The following BTAF1 variants were observed in gnomAD, a reference collection of about 807,000 sequenced individuals.
The protein encoded by BTAF1 is TATA-binding protein-associated factor 172.
A neutral mutation model predicts 227.1 loss-of-function variants in BTAF1; 38 were observed. The observed-to-expected ratio is 0.17, with a 90% CI of 0.13 to 0.22. The LOEUF is 0.22. BTAF1 is among the 10% of genes least tolerant of loss of function. The probability of loss-of-function intolerance (pLI) is 1.00; values close to 1 mark genes in which losing one functional copy is unlikely to be tolerated. For missense variants in BTAF1, 1,598 were observed against 2,204.0 expected (o/e 0.73, Z 5.51); for synonymous variants, 742 against 751.9 (o/e 0.99, Z 0.21).
intron 25 of BTAF1, among the ~76,000 whole-genome samples, chr10:92,006,762 C>T (rs571976136): frequency 2.0e-5 from 3 of 152,232 alleles, no homozygotes; most frequent in East Asian, 3.9e-4. Flanking sequence ...ATACCAAAGT[C>T]GGAATACCCA....
At chr10:91,978,330 A>G (rs1410949275) in intron 14 of BTAF1, among the ~76,000 whole-genome samples, 2 of 152,172 alleles carry the variant, frequency 1.3e-5, no homozygotes, top group Non-Finnish European at 2.9e-5. Flanking sequence ...ACCTACAGGC[A>G]ACTGCTTGGA....
At chr10:92,009,690 C>G (rs1329344634) in intron 28 of BTAF1, among the ~76,000 whole-genome samples, 1 of 152,156 alleles carries the variant, frequency 6.6e-6, no homozygotes, top group East Asian at 1.9e-4. Flanking sequence ...AAGAGTTCCC[C>G]TTTGCTTTGT....
chr10:91,948,151 C>A (rs1259606416), intron 4 of BTAF1, among the ~76,000 whole-genome samples: 1 of 151,650 alleles, frequency 6.6e-6, no homozygotes, highest in Non-Finnish European at 1.5e-5. Flanking sequence ...AATGCTATCC[C>A]TCCCCCATCC....
At chr10:91,928,769 C>T (rs879818294) in intron 1 of BTAF1, among the ~76,000 whole-genome samples, 1 of 135,560 alleles carries the variant, frequency 7.4e-6, no homozygotes, top group Admixed American at 7.3e-5. Flanking sequence ...ATCCCCCCCC[C>T]CCCCGCCCCC....
intron 24 of BTAF1, 126 bp downstream of exon 24, chr10:91,996,696 CT>C: frequency 2.5e-6 from 2 of 790,020 alleles, no homozygotes; most frequent in Non-Finnish European, 3.8e-6. Flanking sequence ...AATACCTATT[CT>C]TTTTACATCT....
At chr10:91,996,066 T>C (rs974004533) in intron 23 of BTAF1, among the ~76,000 whole-genome samples, 30 of 152,218 alleles carry the variant, frequency 2.0e-4, no homozygotes, top group Admixed American at 1.7e-3. Flanking sequence ...CCAAGTACTT[T>C]TTGGTTTGTT....
At chr10:92,019,617 C>T (rs1850976812) in intron 34 of BTAF1, among the ~76,000 whole-genome samples, 1 of 152,182 alleles carries the variant, frequency 6.6e-6, no homozygotes, top group Admixed American at 6.5e-5. Context: ...ATTTTACACT[C>T]CCACCAGCAA....
At chr10:91,962,275 T>C (rs918885290) in intron 11 of BTAF1, among the ~76,000 whole-genome samples, 6 of 151,144 alleles carry the variant, frequency 4.0e-5, no homozygotes, top group African/African-American at 9.7e-5. Context: ...TGCAGGTTTG[T>C]AGCCTAGAAG....
rs1199977906 is a variant in BTAF1, at chr10:91,993,864, A to T, written c.3199+17A>T. On this transcript the variant is annotated intron_variant, in intron 22 of 37. Transcript: ENST00000265990. ...ATAATTTTGGTATACACATATTTTT[A>T]TGAGTCCAGTTTTTAACAAATTTTA... is the stretch of plus-strand genomic sequence containing the variant. The T allele has an allele frequency of 1.9e-6, 3 of 1,551,272 alleles. No individual in the cohort carries two copies. The highest frequency in any genetic ancestry group is 2.6e-6 in the Non-Finnish European group (3 of 1,142,878).
Position 91,989,234 on chromosome 10 carries a change from G to A in BTAF1, c.2508G>A (p.Gln836=). The change falls in exon 20 of 38, where the codon CAG becomes CAA. Residue 836 remains glutamine, a synonymous_variant. Transcript: ENST00000265990. ...TACAACAGTTAGATAGTAAACGACA[G>A]CAGGTCCAAATGACAGTTACAGAGA... ...QVLQQLDSKR[Q]QVQMTVTETN... The A allele has an allele frequency of 1.2e-6, 2 of 1,614,098 alleles. No individual in the cohort carries two copies. The highest frequency in any genetic ancestry group is 1.7e-6 in the Non-Finnish European group (2 of 1,180,012).
intron 19 of BTAF1, 127 bp downstream of exon 19, chr10:91,984,531 A>C (rs1848270848): frequency 4.1e-6 from 3 of 732,358 alleles, no homozygotes; most frequent in Non-Finnish European, 6.5e-6. Context: ...GTAGCCTGTC[A>C]TCTCTACCCT....
At chr10:91,960,549 ATCTG>A (rs1846430517) in intron 11 of BTAF1, among the ~76,000 whole-genome samples, 1 of 151,302 alleles carries the variant, frequency 6.6e-6, no homozygotes, top group Admixed American at 6.6e-5. Flanking sequence ...AAAGCAGACA[ATCTG>A]TATGGTCATG....
At chr10:91,998,011 C>G (rs1849254037) in intron 25 of BTAF1, among the ~76,000 whole-genome samples, 1 of 151,608 alleles carries the variant, frequency 6.6e-6, no homozygotes, top group Non-Finnish European at 1.5e-5. Flanking sequence ...CCTGTAGTCT[C>G]AGCTACTCGG....
intron 23 of BTAF1, among the ~76,000 whole-genome samples, chr10:91,994,939 C>A (rs192251291): frequency 9.3e-4 from 142 of 152,200 alleles, no homozygotes; most frequent in African/African-American, 3.3e-3. Context: ...AAACTGCAGC[C>A]CTGTTCATCC....
intron 4 of BTAF1, among the ~76,000 whole-genome samples, chr10:91,944,391 G>C (rs973944840): frequency 8.5e-5 from 13 of 152,152 alleles, no homozygotes; most frequent in African/African-American, 3.1e-4. Flanking sequence ...TTCCTTTGCA[G>C]CTGGTTGTGT....
intron 19 of BTAF1, among the ~76,000 whole-genome samples, chr10:91,985,180 C>G (rs1848322124): frequency 6.6e-6 from 1 of 152,012 alleles, no homozygotes; most frequent in South Asian, 2.1e-4. Flanking sequence ...TTCTAATTCC[C>G]CCCCGAAGAT....
At chr10:91,972,274 C>G (rs999931190) in intron 14 of BTAF1, among the ~76,000 whole-genome samples, 1 of 152,116 alleles carries the variant, frequency 6.6e-6, no homozygotes, top group Non-Finnish European at 1.5e-5. Flanking sequence ...ACTCTGGAGT[C>G]AAGAACATTT....
intron 2 of BTAF1, among the ~76,000 whole-genome samples, chr10:91,936,424 C>T (rs535302528): frequency 6.6e-6 from 1 of 152,094 alleles, no homozygotes; most frequent in Non-Finnish European, 1.5e-5. Context: ...AATATGATTG[C>T]CCAGATATAG....
At chr10:92,024,998 A>G (rs1226041937) in intron 35 of BTAF1, 31 bp downstream of exon 35, 6 of 1,558,774 alleles carry the variant, frequency 3.8e-6, no homozygotes, top group Non-Finnish European at 5.3e-6. Context: ...TTATTCATAA[A>G]TAAATATATT....
Sources: gnomAD v4.1 joint callset for allele counts (sites outside exome capture counted in the v4.1 genomes callset) on GRCh38, gnomAD v4.1.1 for gene constraint, MANE v1.5 for transcripts, NCBI Gene and HGNC (gene_info 2026-07-23, HGNC 2026-07-21) for gene names.